Variants in HPSE observed in about 807,000 individuals in gnomAD.
The protein encoded by HPSE is heparanase, also known as endo-glucoronidase.
Under a neutral mutation model 65.1 loss-of-function variants are expected in HPSE, and 48 were observed. That is an observed-to-expected ratio of 0.74 (90% confidence interval 0.58 to 0.94). HPSE has a LOEUF of 0.94. HPSE is among the 40% of genes least tolerant of loss of function. HPSE has a pLI of 0.00. For missense variants in HPSE, 644 were observed against 637.5 expected, an observed-to-expected ratio of 1.01 and a Z score of -0.11; for synonymous variants, 243 against 260.0, an observed-to-expected ratio of 0.93 and a Z score of 0.63.
At chr4:83,316,574 T>C (rs375812110) in intron 3 of HPSE, among the ~76,000 whole-genome samples, 1 of 152,050 alleles carries the variant, frequency 6.6e-6, no homozygotes, top group African/African-American at 2.4e-5. Context: ...CAGCATCCAA[T>C]GTGGGCCTGG....
In HPSE at chr4:83,310,876, G is replaced by C. The variant is rs140349032; in HGVS notation, c.688C>G (p.Leu230Val). 69 of 1,612,514 alleles carry C rather than the reference G, an allele frequency of 4.3e-5. No individual in the cohort carries two copies. The highest frequency in any genetic ancestry group is 5.5e-5 in the Non-Finnish European group (65 of 1,179,096). ...TTGATGAAAATATCAGCCTTCTTAA[G>C]GAAACTGTTAGGTTCTGAAAGACAG... ...WELGNEPNSFLKKADIFINGS... is the reference protein window; with the variant it reads ...WELGNEPNSFVKKADIFINGS... Residue 230 changes from leucine (L) to valine (V), a missense_variant, in exon 5 of 12, where the codon CTT becomes GTT. Leu to Val is a conservative substitution (Grantham distance 32). Coordinates refer to ENST00000311412, the MANE Select transcript of HPSE (RefSeq NM_001098540.3).
chr4:83,334,946 C>G, upstream of HPSE: 2 of 1,144,812 alleles, frequency 1.7e-6, no homozygotes, highest in Non-Finnish European at 2.4e-6. Context: ...CACTCCTCTT[C>G]TGCATCCCTC....
chr4:83,324,113 C>CTTTTTTTTTTTTTTTTTTTTTT (rs398051210), intron 1 of HPSE, among the ~76,000 whole-genome samples: 1 of 74,742 alleles, frequency 1.3e-5, no homozygotes. Flanking sequence ...TCTTCTTCTT[C>CTTTTTTTTTTTTTTTTTTTTTT]TTTTTTTTTT....
At chr4:83,315,334 G>A (rs967999882) in intron 3 of HPSE, among the ~76,000 whole-genome samples, 2 of 152,130 alleles carry the variant, frequency 1.3e-5, no homozygotes, top group Non-Finnish European at 2.9e-5. Flanking sequence ...AGAGTCCTGT[G>A]ACCCAGCATT....
chr4:83,332,364 G>A (rs575787348), intron 1 of HPSE, among the ~76,000 whole-genome samples: 47 of 152,336 alleles, frequency 3.1e-4, no homozygotes, highest in African/African-American at 9.4e-4. Context: ...CCTCTTTTAG[G>A]TCTTAGCAGA....
At chr4:83,309,080 T>G (rs530066826) in intron 7 of HPSE, 129 bp from the exon 8 acceptor site, 10 of 679,754 alleles carry the variant, frequency 1.5e-5, no homozygotes, top group Non-Finnish European at 2.5e-5. Context: ...AGTTATAAAA[T>G]ATGTTCATAG....
intron 1 of HPSE, among the ~76,000 whole-genome samples, chr4:83,325,910 G>C (rs1201233402): frequency 6.6e-6 from 1 of 152,216 alleles, no homozygotes; most frequent in Non-Finnish European, 1.5e-5. Context: ...CCATTGACGA[G>C]CAGAAGGGTG....
Position 83,322,369 on chromosome 4 carries a change from TA to T in HPSE, c.228-6del. 6.3e-7 allele frequency: 1 copy of T among 1,598,706 alleles called. No homozygotes were observed. Among genetic ancestry groups the T allele is most frequent in the Non-Finnish European group, 8.5e-7 (1 of 1,174,718 alleles). On this transcript the variant is annotated splice_region_variant and splice_polypyrimidine_tract_variant and intron_variant, in intron 1 of 11. Transcript: ENST00000311412. ...AAGGTACGAAGCTTTGGAGAACTGTTAGGAAGACAAGCAAGAAAGTATAACT... is the reference window on the plus strand; with the variant it reads ...AAGGTACGAAGCTTTGGAGAACTGTTGGAAGACAAGCAAGAAAGTATAACT...
rs917864095 is a variant in HPSE, at chr4:83,319,401, C to T, written c.442G>A (p.Glu148Lys). Residue 148 changes from glutamate (E) to lysine (K), a missense_variant, in exon 3 of 12, where the codon GAG becomes AAG. Coordinates refer to ENST00000311412, the MANE Select transcript of HPSE (RefSeq NM_001098540.3). ...TAGTGTTCTCGGAGTAGCAATTGCT[C>T]CTGGTAGGGCCATTCCAACCGTAAC... is the stretch of plus-strand genomic sequence containing the variant. ...EKLRLEWPYQEQLLLREHYQK... is the reference protein window; with the variant it reads ...EKLRLEWPYQKQLLLREHYQK... The T allele has an allele frequency of 1.2e-6, 2 of 1,613,734 alleles. No homozygotes were observed. The highest frequency in any genetic ancestry group is 1.7e-5 in the Admixed American group (1 of 59,968).
intron 4 of HPSE, among the ~76,000 whole-genome samples, chr4:83,312,841 CAAAAAAAAA>C (rs1200808673): frequency 5.5e-4 from 6 of 10,990 alleles, no homozygotes; most frequent in African/African-American, 2.6e-3. Context: ...ACTAAAAATG[CAAAAAAAAA>C]AAAAAAAAAA....
At position 83,334,732 on chromosome 4, in the gene HPSE, G is replaced by GAGC; in HGVS notation, c.48_50dup (p.Leu18dup). On this transcript the variant is annotated inframe_insertion, in exon 1 of 12. Transcript: ENST00000311412. ...GGGAGAGGGGACCCAGCGGCCCCAG[G>GAGC]AGCAGCAGCATCAGCGGCGGCGGCA... is the stretch of plus-strand genomic sequence containing the variant. 1 of 1,561,510 alleles carries GAGC rather than the reference G, an allele frequency of 6.4e-7. No homozygotes were observed. Among genetic ancestry groups the GAGC allele is most frequent in the East Asian group, 2.4e-5 (1 of 41,778 alleles).
At chr4:83,324,700 T>G (rs1398758593) in intron 1 of HPSE, among the ~76,000 whole-genome samples, 1 of 152,170 alleles carries the variant, frequency 6.6e-6, no homozygotes, top group Non-Finnish European at 1.5e-5. Context: ...TAATCTGAAC[T>G]AAGTAAGGAA....
intron 2 of HPSE, among the ~76,000 whole-genome samples, chr4:83,319,674 G>A (rs1736802053): frequency 6.6e-6 from 1 of 152,048 alleles, no homozygotes; most frequent in African/African-American, 2.4e-5. Context: ...ACAACCAAGG[G>A]CAGGTTTCCT....
intron 10 of HPSE, 22 bp downstream of exon 10, chr4:83,302,127 TA>T: frequency 6.7e-7 from 1 of 1,495,822 alleles, no homozygotes. Context: ...TGATGATTGG[TA>T]AAGGGTGTGT....
intron 11 of HPSE, among the ~76,000 whole-genome samples, chr4:83,297,916 CA>C (rs1347898939): frequency 1.3e-5 from 2 of 152,124 alleles, no homozygotes; most frequent in Admixed American, 6.5e-5. Flanking sequence ...AGAGTACACA[CA>C]AAAGTTTTAG....
upstream of HPSE, chr4:83,335,147 G>C (rs1737570367): frequency 9.2e-6 from 2 of 218,556 alleles, no homozygotes; most frequent in African/African-American, 4.6e-5. Context: ...CCGGGGAGCA[G>C]CGCTGGGCAT....
At chr4:83,319,642 C>T (rs2126193417) in intron 2 of HPSE, among the ~76,000 whole-genome samples, 173 bp from the exon 3 acceptor site, 1 of 152,220 alleles carries the variant, frequency 6.6e-6, no homozygotes, top group South Asian at 2.1e-4. Flanking sequence ...AATTTGCCGG[C>T]TCATGAATTA....
intron 11 of HPSE, among the ~76,000 whole-genome samples, chr4:83,299,478 T>G (rs887242397): frequency 4.0e-5 from 6 of 151,818 alleles, no homozygotes; most frequent in African/African-American, 1.5e-4. Context: ...CTTTTTCCTA[T>G]TACATGTTAT....
chr4:83,313,969 G>A (rs976683769), intron 3 of HPSE, among the ~76,000 whole-genome samples: 1 of 152,074 alleles, frequency 6.6e-6, no homozygotes, highest in African/African-American at 2.4e-5. Flanking sequence ...ACTTCGCACA[G>A]GGGCCAGGTG....
Sources: gnomAD v4.1 joint callset for allele counts (sites outside exome capture counted in the v4.1 genomes callset) on GRCh38, gnomAD v4.1.1 for gene constraint, MANE v1.5 for transcripts, NCBI Gene and HGNC (gene_info 2026-07-23, HGNC 2026-07-21) for gene names.